ALDH3B2: variants seen among roughly 807,000 people sequenced by gnomAD.
ALDH3B2 encodes the protein aldehyde dehydrogenase 3 family member B2, also known as aldehyde dehydrogenase family 3 member B2.
ALDH3B2 carries 45 observed loss-of-function variants against 36.7 expected under a neutral mutation model. The ratio of observed to expected loss-of-function variants is 1.23; its 90% confidence interval spans 0.97 to 1.57. The LOEUF (loss-of-function observed/expected upper bound fraction) is 1.57, where lower values mean the gene tolerates loss of function less well. ALDH3B2 is among the 40% of genes most tolerant of loss of function. The pLI is 0.00. For missense variants in ALDH3B2, 464 were observed against 513.3 expected (o/e 0.90, Z 0.93); for synonymous variants, 217 against 226.5 (o/e 0.96, Z 0.38).
At chr11:67,680,808 T>A (rs893864783) in intron 1 of ALDH3B2, among the ~76,000 whole-genome samples, 1 of 152,180 alleles carries the variant, frequency 6.6e-6, no homozygotes, top group Non-Finnish European at 1.5e-5. Flanking sequence ...GATGCTAACC[T>A]CTCTCATTTG....
At chr11:67,670,450 C>T (rs550884241) in intron 1 of ALDH3B2, among the ~76,000 whole-genome samples, 3 of 152,214 alleles carry the variant, frequency 2.0e-5, no homozygotes, top group African/African-American at 7.2e-5. Flanking sequence ...GCCTCAGACC[C>T]GCATTGCTGA....
At chr11:67,669,998 G>C (rs1591146124) in intron 1 of ALDH3B2, among the ~76,000 whole-genome samples, 1 of 100,314 alleles carries the variant, frequency 1.0e-5, no homozygotes, top group Admixed American at 1.0e-4. Flanking sequence ...GTATGGGTGT[G>C]TGTGTCCACG....
intron 1 of ALDH3B2, among the ~76,000 whole-genome samples, chr11:67,674,066 C>T (rs764867995): frequency 6.6e-6 from 1 of 152,218 alleles, no homozygotes; most frequent in Non-Finnish European, 1.5e-5. Context: ...TGATCACAGC[C>T]CTGGTGCCCC....
chr11:67,664,391 C>G lies in ALDH3B2; in HGVS notation c.873+5G>C. ...CCATTGCCCCCAACCCGGCCGCACCCCCACCTGGCTGCTGTTGGAGAAGGC... is the reference window on the plus strand; with the variant it reads ...CCATTGCCCCCAACCCGGCCGCACCGCCACCTGGCTGCTGTTGGAGAAGGC... On this transcript the variant is annotated splice_donor_5th_base_variant and intron_variant, in intron 8 of 9. Transcript: ENST00000349015. 6.2e-7 allele frequency: 1 copy of G among 1,614,060 alleles called. No individual in the cohort carries two copies. The highest frequency in any genetic ancestry group is 8.5e-7 in the Non-Finnish European group (1 of 1,180,006).
intron 1 of ALDH3B2, among the ~76,000 whole-genome samples, chr11:67,680,357 G>A (rs1856347729): frequency 6.6e-6 from 1 of 152,118 alleles, no homozygotes; most frequent in African/African-American, 2.4e-5. Context: ...CATATTTTCA[G>A]TTGGTGCCCT....
At chr11:67,666,063 C>T in intron 6 of ALDH3B2, 59 bp downstream of exon 6, 1 of 1,588,546 alleles carries the variant, frequency 6.3e-7, no homozygotes, top group Non-Finnish European at 8.6e-7. Context: ...ACAACCCTCC[C>T]ACCCTCTCTC....
chr11:67,665,238 G>C lies in ALDH3B2; in HGVS notation c.706+47C>G, dbSNP rs150261528. The C allele has an allele frequency of 1.6e-3, 2,428 of 1,548,014 alleles. 26 individuals are homozygous for C. The African/African-American group carries it at 0.029, about 18-fold the overall frequency. ...GGCCCAGCCGTGGGCCCTCCATTGA[G>C]AAAGGGTCTTGGCCCAGGTGGGCTG... On this transcript the variant is annotated intron_variant, in intron 7 of 9. Coordinates refer to ENST00000349015, the Ensembl canonical transcript of ALDH3B2.
At chr11:67,676,960 T>C (rs116091371), upstream of ALDH3B2, among the ~76,000 whole-genome samples, 1 of 152,002 alleles carries the variant, frequency 6.6e-6, no homozygotes, top group Non-Finnish European at 1.5e-5. Context: ...GTGGTAATTT[T>C]AAAATTACCA....
upstream of ALDH3B2, among the ~76,000 whole-genome samples, chr11:67,675,562 C>T (rs757440071): frequency 3.5e-4 from 54 of 152,322 alleles, no homozygotes; most frequent in Non-Finnish European, 6.2e-4. Flanking sequence ...GTGTGCAGCC[C>T]TGTGGGCAGG....
chr11:67,674,119 A>G (rs1856208976), intron 1 of ALDH3B2, among the ~76,000 whole-genome samples: 1 of 152,082 alleles, frequency 6.6e-6, no homozygotes, highest in Non-Finnish European at 1.5e-5. Context: ...TTCTCCTCTA[A>G]CCTGGGAGCT....
rs4646827 is a variant in ALDH3B2, at chr11:67,662,971, G to A, written c.*244C>T. On this transcript the variant is annotated 3_prime_UTR_variant, in exon 10 of 10. Transcript: ENST00000349015. The stretch of plus-strand genomic sequence containing the variant: ...GGGCAAAGGGCTGGAATTGGGGAGG[G>A]TGGGGTGAGTGAGGACACCTGGCAT... 1.2e-4 allele frequency: 65 copies of A among 532,460 alleles called. 1 individual carries two copies. The East Asian group carries it at 2.2e-3, about 18-fold the overall frequency. The allele number at this position is 532,460 out of a possible 1,614,324, so 33.0% of individuals were successfully genotyped here.
chr11:67,665,898 G>A (rs544849319), intron 6 of ALDH3B2, among the ~76,000 whole-genome samples: 1 of 152,212 alleles, frequency 6.6e-6, no homozygotes, highest in Non-Finnish European at 1.5e-5. Context: ...TCTCCTGGCC[G>A]GTCTGGCTCA....
At chr11:67,679,787 T>C (rs1338784960) in intron 1 of ALDH3B2, among the ~76,000 whole-genome samples, 2 of 151,992 alleles carry the variant, frequency 1.3e-5, no homozygotes, top group African/African-American at 4.8e-5. Context: ...ATATGACCAA[T>C]CAAATCTTGC....
chr11:67,677,174 C>T (rs1160420410), upstream of ALDH3B2, among the ~76,000 whole-genome samples: 1 of 152,148 alleles, frequency 6.6e-6, no homozygotes, highest in Non-Finnish European at 1.5e-5. Flanking sequence ...AGACTGATAT[C>T]CTTGATGAAC....
At chr11:67,677,522 G>T (rs1903829), upstream of ALDH3B2, among the ~76,000 whole-genome samples, 1 of 151,950 alleles carries the variant, frequency 6.6e-6, no homozygotes, top group Admixed American at 6.6e-5. Flanking sequence ...AAGTTGAAAG[G>T]CTTCCCGCAG....
chr11:67,674,277 G>A lies in ALDH3B2; in HGVS notation c.-245+160C>T, dbSNP rs191417849. ...CACCTCCCTCTCCTGAGCAAGCCCC[G>A]TACCCATGGCCCCTGCAGCCATAGG... On this transcript the variant is annotated intron_variant, in intron 1 of 9. Coordinates refer to ENST00000349015, the Ensembl canonical transcript of ALDH3B2. 4.8e-4 allele frequency among the ~76,000 whole-genome samples: 73 copies of A among 152,248 alleles called. No individual in the cohort carries two copies. In the East Asian group the frequency reaches 7.0e-3, roughly 15 times the overall value.
exon 10 of ALDH3B2, chr11:67,663,026 A>G (rs1191688740): frequency 1.8e-5 from 13 of 720,012 alleles, no homozygotes; most frequent in Admixed American, 2.8e-5. Flanking sequence ...TCTCTCGAGC[A>G]GCGTCCCCCA....
At chr11:67,679,798 T>C (rs940916706) in intron 1 of ALDH3B2, among the ~76,000 whole-genome samples, 1 of 152,196 alleles carries the variant, frequency 6.6e-6, no homozygotes, top group Non-Finnish European at 1.5e-5. Flanking sequence ...CAAATCTTGC[T>C]GCATTTTGTG....
Position 67,667,613 on chromosome 11 carries a change from G to T in ALDH3B2, c.-222C>A. The T allele has an allele frequency of 5.5e-6, 2 of 360,376 alleles. No individual in the cohort carries two copies. Among genetic ancestry groups the T allele is most frequent in the Non-Finnish European group, 9.3e-6 (2 of 215,702 alleles). 22.3% of individuals were successfully genotyped at this position (360,376 alleles called of 1,614,324 possible). On this transcript the variant is annotated 5_prime_UTR_variant, in exon 2 of 10. It adds an upstream start codon to the 5' untranslated region. Transcript: ENST00000349015. ...TTGAAGGCCTCACGCAGCCGCCGCA[G>T]CGTGTCCTCGAAGGGGTCCATCCTG...
Sources: allele counts gnomAD v4.1 joint callset (sites outside exome capture counted in the v4.1 genomes callset), GRCh38; gene constraint gnomAD v4.1.1; transcripts MANE v1.5; gene names NCBI Gene and HGNC (gene_info 2026-07-23, HGNC 2026-07-21).